ACSS3: variants seen among roughly 807,000 people sequenced by gnomAD.
ACSS3 encodes the protein acyl-CoA synthetase short chain family member 3.
Under a neutral mutation model 84.2 loss-of-function variants are expected in ACSS3, and 64 were observed. That is an observed-to-expected ratio of 0.76 (90% CI 0.62 to 0.94). ACSS3 has a LOEUF of 0.94. ACSS3 is among the 40% of genes least tolerant of loss of function. ACSS3 has a pLI of 0.00. For missense variants in ACSS3, 815 were observed against 867.6 expected (o/e 0.94, Z 0.76); for synonymous variants, 317 against 310.1 (o/e 1.02, Z -0.23).
Position 81,153,189 on chromosome 12 carries a change from C to T in ACSS3, c.1098+1093C>T, listed in dbSNP as rs58215458. Among the ~76,000 whole-genome samples the T allele has an allele frequency of 4.7e-3, 708 of 152,230 alleles. 8 individuals carry two copies. Among genetic ancestry groups the T allele is most frequent in the African/African-American group, 0.016 (663 of 41,552 alleles). On this transcript the variant is annotated intron_variant, in intron 7 of 15. Coordinates refer to ENST00000548058, the MANE Select transcript of ACSS3 (RefSeq NM_024560.4). Reference sequence around the variant, plus strand: ...TTGGGAGGCCGAGGCAGGTGGATCACTTGAGGTCAGGAGTTCGAGACCAGC... The same window carrying T: ...TTGGGAGGCCGAGGCAGGTGGATCATTTGAGGTCAGGAGTTCGAGACCAGC...
chr12:81,168,663 A>G (rs764342131), intron 7 of ACSS3, among the ~76,000 whole-genome samples: 21 of 152,182 alleles, frequency 1.4e-4, no homozygotes, highest in Admixed American at 1.4e-3. Context: ...CATGACATTT[A>G]TGTCCAGTCT....
intron 8 of ACSS3, among the ~76,000 whole-genome samples, chr12:81,187,961 A>C (rs1282900297): frequency 6.6e-6 from 1 of 151,934 alleles, no homozygotes; most frequent in African/African-American, 2.4e-5. Context: ...ATGATGTAGA[A>C]AGCAGGAAAG....
intron 7 of ACSS3, among the ~76,000 whole-genome samples, chr12:81,166,601 G>A (rs956596588): frequency 3.3e-5 from 5 of 152,310 alleles, no homozygotes; most frequent in Middle Eastern, 3.4e-3. Flanking sequence ...CAGAGGATGA[G>A]GATCAACAGT....
At chr12:81,157,361 G>C (rs1397988178) in intron 7 of ACSS3, among the ~76,000 whole-genome samples, 2 of 152,136 alleles carry the variant, frequency 1.3e-5, no homozygotes, top group East Asian at 3.9e-4. Flanking sequence ...TCCTCAACCT[G>C]ACAAAAGATC....
intron 7 of ACSS3, among the ~76,000 whole-genome samples, chr12:81,164,347 A>G (rs1472639303): frequency 6.6e-6 from 1 of 152,170 alleles, no homozygotes; most frequent in Admixed American, 6.5e-5. Flanking sequence ...GTTTGTATAA[A>G]TACACTCTGT....
chr12:81,245,258 G>A (rs371426411), intron 13 of ACSS3, among the ~76,000 whole-genome samples: 4 of 152,118 alleles, frequency 2.6e-5, no homozygotes, highest in Admixed American at 6.5e-5. Flanking sequence ...TCAGGAGATC[G>A]AGACCATCCT....
At chr12:81,222,369 C>T (rs1358669790) in intron 11 of ACSS3, among the ~76,000 whole-genome samples, 4 of 152,042 alleles carry the variant, frequency 2.6e-5, no homozygotes, top group African/African-American at 4.8e-5. Flanking sequence ...ATTTCTCTCT[C>T]TCCTGCTCTC....
At chr12:81,227,060 G>A (rs2033297958) in intron 11 of ACSS3, among the ~76,000 whole-genome samples, 1 of 151,120 alleles carries the variant, frequency 6.6e-6, no homozygotes, top group South Asian at 2.1e-4. Flanking sequence ...AGCTCATGCA[G>A]TTGTGAAGGC....
At chr12:81,238,414 G>A (rs2033695177) in intron 13 of ACSS3, among the ~76,000 whole-genome samples, 1 of 151,820 alleles carries the variant, frequency 6.6e-6, no homozygotes, top group Admixed American at 6.6e-5. Flanking sequence ...ACGACAGATT[G>A]TAGATAATTG....
chr12:81,254,991 T>G lies in ACSS3; in HGVS notation c.*69T>G, dbSNP rs2034258401. Reference sequence around the variant, plus strand: ...TTGAAATTAAATTATTTGAGTTGTTTCTCAGAAATAAATATTTCAGTAGAA... The same window carrying G: ...TTGAAATTAAATTATTTGAGTTGTTGCTCAGAAATAAATATTTCAGTAGAA... On this transcript the variant is annotated 3_prime_UTR_variant, in exon 16 of 16. Coordinates refer to ENST00000548058, the MANE Select transcript of ACSS3 (RefSeq NM_024560.4). The G allele has an allele frequency of 7.6e-7, 1 of 1,324,414 alleles. No individual in the cohort carries two copies. The highest frequency in any genetic ancestry group is 1.5e-5 in the African/African-American group (1 of 66,304). 82.0% of individuals were successfully genotyped at this position (1,324,414 alleles called of 1,614,324 possible).
intron 9 of ACSS3, among the ~76,000 whole-genome samples, chr12:81,211,090 C>A (rs1449920736): frequency 6.6e-6 from 1 of 151,998 alleles, no homozygotes; most frequent in Non-Finnish European, 1.5e-5. Context: ...CCTCAGCCTG[C>A]CCAATAGCTG....
chr12:81,228,482 G>A (rs529414468), intron 11 of ACSS3, among the ~76,000 whole-genome samples: 112 of 151,902 alleles, frequency 7.4e-4, no homozygotes, highest in African/African-American at 2.7e-3. Context: ...TCTGGGAGAC[G>A]ACGTATGCTT....
At chr12:81,181,898 C>A (rs2030963817) in intron 8 of ACSS3, among the ~76,000 whole-genome samples, 1 of 151,860 alleles carries the variant, frequency 6.6e-6, no homozygotes. Context: ...GTGAAGACAG[C>A]CTATGAGATT....
intron 1 of ACSS3, among the ~76,000 whole-genome samples, chr12:81,105,886 T>C (rs1026439777): frequency 1.7e-4 from 26 of 152,300 alleles, no homozygotes; most frequent in Admixed American, 1.0e-3. Flanking sequence ...TGGAGAAACA[T>C]ACACAGGTAC....
At chr12:81,177,869 C>A (rs2030610243) in intron 8 of ACSS3, among the ~76,000 whole-genome samples, 2 of 152,300 alleles carry the variant, frequency 1.3e-5, no homozygotes, top group East Asian at 1.9e-4. Flanking sequence ...GTTGGTGGGA[C>A]TGTAAACTAG....
At chr12:81,109,311 C>A (rs1309521508) in intron 1 of ACSS3, among the ~76,000 whole-genome samples, 2 of 152,056 alleles carry the variant, frequency 1.3e-5, no homozygotes, top group African/African-American at 4.8e-5. Context: ...TCCACAAAGT[C>A]GCCAGCTGGA....
intron 5 of ACSS3, among the ~76,000 whole-genome samples, chr12:81,148,653 A>G (rs1168707643): frequency 6.6e-6 from 1 of 152,164 alleles, no homozygotes; most frequent in Non-Finnish European, 1.5e-5. Context: ...GACATCTTTA[A>G]GAATTATGAC....
chr12:81,153,784 A>C (rs1301324710), intron 7 of ACSS3, among the ~76,000 whole-genome samples: 1 of 152,216 alleles, frequency 6.6e-6, no homozygotes, highest in Non-Finnish European at 1.5e-5. Context: ...ATGAGAGGCC[A>C]TTCTCAATCT....
chr12:81,167,617 C>A (rs990338480), intron 7 of ACSS3, among the ~76,000 whole-genome samples: 1 of 152,090 alleles, frequency 6.6e-6, no homozygotes, highest in South Asian at 2.1e-4. Context: ...CAAAAGAGAA[C>A]AAACTCACTC....
Sources: allele counts gnomAD v4.1 joint callset (sites outside exome capture counted in the v4.1 genomes callset), GRCh38; gene constraint gnomAD v4.1.1; transcripts MANE v1.5; gene names NCBI Gene and HGNC (gene_info 2026-07-23, HGNC 2026-07-21).